The following TBC1D8 variants were observed in gnomAD, a reference collection of about 807,000 sequenced individuals.
TBC1D8 encodes the protein BUB2-like protein 1.
A neutral mutation model predicts 118.8 loss-of-function variants in TBC1D8; 65 were observed. That is an observed-to-expected ratio of 0.55 (90% confidence interval 0.45 to 0.67). The LOEUF is 0.67. Ranked by LOEUF, TBC1D8 falls within the 30% of genes least tolerant of loss-of-function variation. The pLI is 0.00. For missense variants in TBC1D8, 1,376 were observed against 1,471.2 expected (o/e 0.94, Z 1.06); for synonymous variants, 566 against 595.8 (o/e 0.95, Z 0.73).
At chr2:101,039,115 G>A (rs1295532059) in intron 6 of TBC1D8, among the ~76,000 whole-genome samples, 1 of 152,246 alleles carries the variant, frequency 6.6e-6, no homozygotes, top group Non-Finnish European at 1.5e-5. Flanking sequence ...TCCATTGTCA[G>A]TGATGAAAGA....
At chr2:101,143,166 G>A (rs941485215) in intron 1 of TBC1D8, among the ~76,000 whole-genome samples, 1 of 150,240 alleles carries the variant, frequency 6.7e-6, no homozygotes. Flanking sequence ...GGGTTCAAAC[G>A]GTTCCCCTGC....
intron 1 of TBC1D8, among the ~76,000 whole-genome samples, chr2:101,096,443 A>AAAAAAAAAAAAAAC (rs1553418002): frequency 7.6e-6 from 1 of 131,456 alleles, no homozygotes; most frequent in African/African-American, 2.6e-5. Flanking sequence ...AAAAAAAAAA[A>AAAAAAAAAAAAAAC]AAAACTATAA....
intron 19 of TBC1D8, among the ~76,000 whole-genome samples, chr2:101,009,510 T>G (rs1679026577): frequency 6.6e-6 from 1 of 151,796 alleles, no homozygotes; most frequent in Non-Finnish European, 1.5e-5. Flanking sequence ...AGTATGAACA[T>G]GGCCCGTTTT....
At chr2:101,109,018 A>G (rs1677408625) in intron 1 of TBC1D8, among the ~76,000 whole-genome samples, 2 of 152,174 alleles carry the variant, frequency 1.3e-5, no homozygotes, top group Admixed American at 1.3e-4. Context: ...TGTTCTAAAA[A>G]ATAAAGTTTA....
chr2:101,094,128 A>G (rs1305776342), intron 1 of TBC1D8, among the ~76,000 whole-genome samples: 1 of 152,122 alleles, frequency 6.6e-6, no homozygotes, highest in African/African-American at 2.4e-5. Context: ...CTGCCCACTT[A>G]ATAACCCTCA....
intron 3 of TBC1D8, among the ~76,000 whole-genome samples, 157 bp downstream of exon 3, chr2:101,059,264 A>G (rs1187025482): frequency 6.6e-6 from 1 of 151,490 alleles, no homozygotes; most frequent in Admixed American, 6.6e-5. Context: ...GACTGACTAC[A>G]AAGTTAAGAC....
intron 1 of TBC1D8, among the ~76,000 whole-genome samples, chr2:101,141,593 A>G (rs1679101916): frequency 6.6e-6 from 1 of 152,172 alleles, no homozygotes; most frequent in African/African-American, 2.4e-5. Context: ...ACAAGTAACA[A>G]AAAGAATAAA....
At chr2:101,122,835 G>A (rs977902596) in intron 1 of TBC1D8, among the ~76,000 whole-genome samples, 2 of 152,148 alleles carry the variant, frequency 1.3e-5, no homozygotes, top group South Asian at 2.1e-4. Context: ...GCACCACCGC[G>A]AGCCCTTCAC....
chr2:101,016,809 T>C lies in TBC1D8; in HGVS notation c.2827+4872A>G, dbSNP rs570917450. ...TGAAATTGGAAATCATCATTCTCAG[T>C]AAACTATCACAAGGACAAAAAACCA... On this transcript the variant is annotated intron_variant, in intron 17 of 19. Coordinates refer to ENST00000409318, the MANE Select transcript of TBC1D8 (RefSeq NM_001330348.2). 5.4e-3 allele frequency among the ~76,000 whole-genome samples: 822 copies of C among 151,636 alleles called. 17 individuals are homozygous for C. Among genetic ancestry groups the C allele is most frequent in the Non-Finnish European group, 2.4e-3 (164 of 67,950 alleles).
intron 1 of TBC1D8, among the ~76,000 whole-genome samples, chr2:101,118,970 A>G (rs1677978020): frequency 6.6e-6 from 1 of 152,134 alleles, no homozygotes; most frequent in Non-Finnish European, 1.5e-5. Context: ...TGACGACACC[A>G]CTACACTCCA....
At chr2:101,019,215 T>C in intron 17 of TBC1D8, 2 of 644,938 alleles carry the variant, frequency 3.1e-6, no homozygotes, top group Non-Finnish European at 5.0e-6. Flanking sequence ...TGATGTCTTC[T>C]GCCCTTGCCT....
intron 1 of TBC1D8, among the ~76,000 whole-genome samples, chr2:101,100,668 A>G (rs1294342803): frequency 3.3e-5 from 5 of 152,206 alleles, no homozygotes; most frequent in Non-Finnish European, 7.3e-5. Context: ...CCAAAACAGC[A>G]TGGTACTGGT....
intron 17 of TBC1D8, 47 bp from the exon 18 acceptor site, chr2:101,011,587 C>A (rs1235701492): frequency 6.3e-7 from 1 of 1,592,038 alleles, no homozygotes; most frequent in East Asian, 2.2e-5. Context: ...TTCTGCCTTA[C>A]CAAAACTGAC....
intron 1 of TBC1D8, among the ~76,000 whole-genome samples, chr2:101,097,885 A>C (rs891466173): frequency 3.3e-5 from 5 of 152,146 alleles, no homozygotes; most frequent in African/African-American, 1.2e-4. Flanking sequence ...AAAATAAATA[A>C]AGCCTGCATT....
At chr2:101,141,253 A>G (rs1183530254) in intron 1 of TBC1D8, among the ~76,000 whole-genome samples, 1 of 152,182 alleles carries the variant, frequency 6.6e-6, no homozygotes, top group East Asian at 1.9e-4. Context: ...TTTTGCAGCA[A>G]AACTACAGTA....
At chr2:101,030,475 A>G (rs907405331) in intron 11 of TBC1D8, among the ~76,000 whole-genome samples, 2 of 152,218 alleles carry the variant, frequency 1.3e-5, no homozygotes, top group Admixed American at 1.3e-4. Flanking sequence ...CTTCTTACCC[A>G]CTAGATGCCT....
intron 5 of TBC1D8, among the ~76,000 whole-genome samples, chr2:101,047,068 C>T (rs563536724): frequency 6.6e-5 from 10 of 152,182 alleles, no homozygotes; most frequent in Admixed American, 2.6e-4. Context: ...TTTTCCTTTC[C>T]GCTTCCCTCC....
intron 2 of TBC1D8, among the ~76,000 whole-genome samples, chr2:101,083,834 C>T (rs553412756): frequency 3.3e-5 from 5 of 152,306 alleles, no homozygotes; most frequent in Admixed American, 1.3e-4. Flanking sequence ...TTGCTCAATG[C>T]TCAAGACACA....
At chr2:101,073,658 C>T (rs903560948) in intron 2 of TBC1D8, among the ~76,000 whole-genome samples, 1 of 152,166 alleles carries the variant, frequency 6.6e-6, no homozygotes, top group Non-Finnish European at 1.5e-5. Context: ...TCTGCTGGAC[C>T]TTCTGGATAT....
Sources: allele counts gnomAD v4.1 joint callset (sites outside exome capture counted in the v4.1 genomes callset), GRCh38; gene constraint gnomAD v4.1.1; transcripts MANE v1.5; gene names NCBI Gene and HGNC (gene_info 2026-07-23, HGNC 2026-07-21).